SGMS2: variants seen among roughly 807,000 people sequenced by gnomAD.
SGMS2 encodes the protein phosphatidylcholine:ceramide cholinephosphotransferase 2.
Under a neutral mutation model 43.8 loss-of-function variants are expected in SGMS2, and 21 were observed. The ratio of observed to expected loss-of-function variants is 0.48; its 90% CI spans 0.34 to 0.69. The LOEUF (loss-of-function observed/expected upper bound fraction) is 0.69. Among genes scored for constraint, SGMS2 ranks in the 30% least tolerant of loss-of-function variants. The probability of loss-of-function intolerance (pLI) is 0.01; values close to 1 mark genes in which losing one functional copy is unlikely to be tolerated. For missense variants in SGMS2, 384 were observed against 443.2 expected (o/e 0.87, Z 1.20); for synonymous variants, 167 against 160.6 (o/e 1.04, Z -0.30).
intron 6 of SGMS2, 102 bp downstream of exon 6, chr4:107,908,833 TG>T: frequency 9.9e-7 from 1 of 1,012,944 alleles, no homozygotes; most frequent in Non-Finnish European, 1.5e-6. Flanking sequence ...TAACCGATGT[TG>T]CCACATTCAC....
intron 2 of SGMS2, among the ~76,000 whole-genome samples, chr4:107,868,437 C>A (rs978125154): frequency 6.6e-6 from 1 of 152,118 alleles, no homozygotes; most frequent in African/African-American, 2.4e-5. Flanking sequence ...TTGCTGCCCG[C>A]CAGGTGTGGT....
intron 1 of SGMS2, among the ~76,000 whole-genome samples, chr4:107,846,387 T>A (rs976656446): frequency 6.6e-6 from 1 of 150,954 alleles, no homozygotes; most frequent in African/African-American, 2.4e-5. Flanking sequence ...CTTGCGATAG[T>A]TTACTGAGAA....
At chr4:107,861,058 C>T (rs781316042) in intron 2 of SGMS2, among the ~76,000 whole-genome samples, 3 of 152,284 alleles carry the variant, frequency 2.0e-5, no homozygotes, top group South Asian at 2.1e-4. Flanking sequence ...GGGACTAGGT[C>T]GGTCTCTTTC....
At chr4:107,835,625 G>A (rs1282547437) in intron 1 of SGMS2, among the ~76,000 whole-genome samples, 1 of 152,156 alleles carries the variant, frequency 6.6e-6, no homozygotes, top group East Asian at 1.9e-4. Context: ...TCCTTGTCAA[G>A]CAATTCTTGG....
At chr4:107,906,775 G>GT (rs1553934158) in intron 5 of SGMS2, among the ~76,000 whole-genome samples, 9 of 152,168 alleles carry the variant, frequency 5.9e-5, no homozygotes, top group Non-Finnish European at 1.2e-4. Flanking sequence ...TTGCAATTCC[G>GT]TGAGTAGTAA....
Position 107,895,757 on chromosome 4 carries a change from A to T in SGMS2, c.204A>T (p.Ser68=), listed in dbSNP as rs1730611544. 6.2e-7 allele frequency: 1 copy of T among 1,613,970 alleles called. No homozygotes were observed. The highest frequency in any genetic ancestry group is 8.5e-7 in the Non-Finnish European group (1 of 1,179,960). Reference sequence around the variant, plus strand: ...TCCAAATTGCTATGCCCACTGAATCAAGGAACAAATTTCCACTAGAGTGGT... The same window carrying T: ...TCCAAATTGCTATGCCCACTGAATCTAGGAACAAATTTCCACTAGAGTGGT... ...DYIQIAMPTE[S]RNKFPLEWWK... The change falls in exon 3 of 7, where the codon TCA becomes TCT. Residue 68 remains serine (S), a synonymous_variant. Coordinates refer to ENST00000690982, the MANE Select transcript of SGMS2 (RefSeq NM_001375905.1).
intron 1 of SGMS2, among the ~76,000 whole-genome samples, chr4:107,847,484 G>A (rs1177349584): frequency 6.6e-6 from 1 of 151,560 alleles, no homozygotes; most frequent in Non-Finnish European, 1.5e-5. Flanking sequence ...TCTCTGTTTT[G>A]GTACCAGTAC....
intron 1 of SGMS2, among the ~76,000 whole-genome samples, chr4:107,836,155 A>G (rs1726158662): frequency 6.6e-6 from 1 of 152,220 alleles, no homozygotes; most frequent in African/African-American, 2.4e-5. Context: ...CTACACTTAC[A>G]GATATCTCAG....
chr4:107,885,240 A>G (rs1019700706), intron 2 of SGMS2, among the ~76,000 whole-genome samples: 6 of 151,832 alleles, frequency 4.0e-5, no homozygotes, highest in Non-Finnish European at 8.8e-5. Flanking sequence ...TTTTTTTTTA[A>G]CTAAGCATGA....
At chr4:107,855,031 A>G (rs1400433264) in intron 1 of SGMS2, among the ~76,000 whole-genome samples, 3 of 152,024 alleles carry the variant, frequency 2.0e-5, no homozygotes, top group African/African-American at 7.2e-5. Context: ...CCCTCTATCT[A>G]CAAAGGAGTT....
At chr4:107,904,403 A>G (rs10007396) in intron 5 of SGMS2, among the ~76,000 whole-genome samples, 8,855 of 152,058 alleles carry the variant, frequency 0.058, 393 homozygotes, top group African/African-American at 0.11. Context: ...GATTTATCCT[A>G]ATTGGTGGTG....
chr4:107,910,365 TCA>T lies in SGMS2; in HGVS notation c.913_914del (p.Gln305AspfsTer2). On this transcript the variant is annotated frameshift_variant, in exon 7 of 7. Transcript: ENST00000690982. LOFTEE classifies it high-confidence loss of function. The part of the protein sequence containing the change: ...MANEKNLKVS[S>X]QTNFLSRAWW... The stretch of plus-strand genomic sequence containing the variant: ...CCATTTACAGAACTTGAAGGTCTCT[TCA>T]CAGACTAATTTCTTATCTCGAGCAT... 1 of 1,614,046 alleles carries T rather than the reference TCA, an allele frequency of 6.2e-7. No individual in the cohort carries two copies. The highest frequency in any genetic ancestry group is 8.5e-7 in the Non-Finnish European group (1 of 1,179,936).
chr4:107,873,515 G>A (rs570987047), intron 2 of SGMS2: 3 of 151,980 alleles, frequency 2.0e-5, no homozygotes, highest in Non-Finnish European at 2.9e-5. Flanking sequence ...AAAGAAAGAC[G>A]AGCATCAAGG....
chr4:107,846,382 G>A (rs943939828), intron 1 of SGMS2, among the ~76,000 whole-genome samples: 5 of 149,474 alleles, frequency 3.3e-5, no homozygotes, highest in African/African-American at 7.4e-5. Context: ...TTGTCCTTGC[G>A]ATAGTTTACT....
Position 107,912,067 on chromosome 4 carries a change from C to G in SGMS2, c.*1514C>G, listed in dbSNP as rs1393439956. 6.6e-6 allele frequency: 1 copy of G among 152,040 alleles called. No individual in the cohort carries two copies. Among genetic ancestry groups the G allele is most frequent in the Non-Finnish European group, 1.5e-5 (1 of 68,012 alleles). The allele number at this position is 152,040 out of a possible 1,614,324, so 9.4% of individuals were successfully genotyped here. On this transcript the variant is annotated 3_prime_UTR_variant, in exon 7 of 7. Transcript: ENST00000690982. Reference sequence around the variant, plus strand: ...TCTTTCATTTAGAATGGAAAACATCCCCAAATGTATCATTATAAACTAGTC... The same window carrying G: ...TCTTTCATTTAGAATGGAAAACATCGCCAAATGTATCATTATAAACTAGTC...
At chr4:107,903,510 T>A (rs1396155071) in intron 5 of SGMS2, 124 bp downstream of exon 5, 5 of 789,662 alleles carry the variant, frequency 6.3e-6, no homozygotes, top group Non-Finnish European at 8.1e-6. Flanking sequence ...GATGTGTGTG[T>A]ATATATGTAT....
At chr4:107,888,476 T>C (rs1381014602) in intron 2 of SGMS2, among the ~76,000 whole-genome samples, 1 of 152,164 alleles carries the variant, frequency 6.6e-6, no homozygotes, top group Non-Finnish European at 1.5e-5. Context: ...ACTTTCTGGT[T>C]TGTCCTGAAC....
chr4:107,841,179 G>A (rs781311537), intron 1 of SGMS2, among the ~76,000 whole-genome samples: 6 of 152,194 alleles, frequency 3.9e-5, no homozygotes, highest in Non-Finnish European at 7.3e-5. Flanking sequence ...TGCTGGCCAT[G>A]TGTAGTTGTT....
intron 2 of SGMS2, among the ~76,000 whole-genome samples, chr4:107,888,854 C>T (rs1375154637): frequency 6.6e-6 from 1 of 152,026 alleles, no homozygotes; most frequent in Non-Finnish European, 1.5e-5. Context: ...TGTTTGTCTA[C>T]AATTATTTAT....
Sources: allele counts gnomAD v4.1 joint callset (sites outside exome capture counted in the v4.1 genomes callset), GRCh38; gene constraint gnomAD v4.1.1; transcripts MANE v1.5; gene names NCBI Gene and HGNC (gene_info 2026-07-23, HGNC 2026-07-21).